ZNF814: variants seen among roughly 807,000 people sequenced by gnomAD.
ZNF814 encodes zinc finger protein 814.
In ZNF814, 5 loss-of-function variants were observed where a neutral mutation model predicts 7.5. That is an observed-to-expected ratio of 0.67 (90% CI 0.35 to 1.40). ZNF814 has a LOEUF of 1.40. Ranked by LOEUF, ZNF814 falls within the 40% of genes most tolerant of loss-of-function variation. The pLI, the probability that ZNF814 is intolerant of heterozygous loss-of-function variation, is 0.04. For synonymous variants in ZNF814, 315 were observed against 340.7 expected, an observed-to-expected ratio of 0.92 and a Z score of 0.83; for missense variants, 962 against 1,018.0, an observed-to-expected ratio of 0.94 and a Z score of 0.75.
intron 2 of ZNF814, among the ~76,000 whole-genome samples, chr19:57,875,483 A>G (rs987335537): frequency 1.3e-5 from 2 of 152,258 alleles, no homozygotes; most frequent in Admixed American, 1.3e-4. Flanking sequence ...CAATCCCTGC[A>G]TCTGCAAACC....
Position 57,874,737 on chromosome 19 carries a change from T to C in ZNF814, c.653A>G (p.Glu218Gly), listed in dbSNP as rs746517911. 5.6e-6 allele frequency: 9 copies of C among 1,609,154 alleles called. No individual in the cohort carries two copies. Among genetic ancestry groups the C allele is most frequent in the South Asian group, 5.5e-5 (5 of 90,616 alleles). ...TTTGGTGCTAAAATGTTTCATGGAT[T>C]CTCCACAGCTGTAGTGAGCTCCCCC... is the stretch of plus-strand genomic sequence containing the variant. ...QCGGAHYSCG[E>G]SMKHFSTKHI... Residue 218 changes from glutamate (E) to glycine (G), a missense_variant, in exon 3 of 3, where the codon GAA becomes GGA. By Grantham distance (98) the Glu-to-Gly change is moderately conservative. Transcript: ENST00000435989.
At chr19:57,904,292 CTTT>C in the ZNF814 span, among the ~76,000 whole-genome samples, 55 of 152,300 alleles carry the variant, frequency 3.6e-4, no homozygotes, top group Non-Finnish European at 6.8e-4. Context: ...CCACCTGCTT[CTTT>C]GTTTGATTAC....
the ZNF814 span, among the ~76,000 whole-genome samples, chr19:57,898,669 C>T: frequency 3.9e-5 from 6 of 152,310 alleles, no homozygotes; most frequent in South Asian, 2.1e-4. Context: ...ATCAGACGGA[C>T]GCGGTGGCTC....
chr19:57,903,482 G>A, the ZNF814 span, among the ~76,000 whole-genome samples: 12 of 152,088 alleles, frequency 7.9e-5, no homozygotes, highest in African/African-American at 2.4e-4. Flanking sequence ...CGATTTTTGC[G>A]TTACTCCTCA....
chr19:57,888,892 G>A lies in ZNF814; in HGVS notation c.-90C>T. On this transcript the variant is annotated 5_prime_UTR_variant, in exon 1 of 3. Transcript: ENST00000435989. ...CGGTCCGTATCCTGGCCCAGGAGTG[G>A]GTCACGCTGGGCGCCGTCACAGAGC... is the stretch of plus-strand genomic sequence containing the variant. 1 of 1,416,068 alleles carries A rather than the reference G, an allele frequency of 7.1e-7. No individual in the cohort carries two copies. The highest frequency in any genetic ancestry group is 9.7e-7 in the Non-Finnish European group (1 of 1,028,174). The allele number at this position is 1,416,068 out of a possible 1,614,324, so 87.7% of individuals were successfully genotyped here. A position where few individuals can be genotyped will look rare whatever the true frequency, so the allele number is the denominator to read the frequency against.
At chr19:57,895,396 C>G in the ZNF814 span, among the ~76,000 whole-genome samples, 1 of 151,862 alleles carries the variant, frequency 6.6e-6, no homozygotes, top group East Asian at 1.9e-4. Flanking sequence ...TTGCCTCAGC[C>G]TCCCTAGTAG....
intron 1 of ZNF814, among the ~76,000 whole-genome samples, chr19:57,887,579 G>A (rs1351080984): frequency 6.6e-6 from 1 of 152,070 alleles, no homozygotes; most frequent in Non-Finnish European, 1.5e-5. Context: ...TAATCACCTA[G>A]CCTCGTTTCC....
At chr19:57,903,460 C>A in the ZNF814 span, among the ~76,000 whole-genome samples, 1 of 152,168 alleles carries the variant, frequency 6.6e-6, no homozygotes, top group South Asian at 2.1e-4. Flanking sequence ...TGCAATGTGA[C>A]TGGAATACAT....
intron 2 of ZNF814, among the ~76,000 whole-genome samples, chr19:57,876,284 C>A (rs2071607170): frequency 6.6e-6 from 1 of 151,950 alleles, no homozygotes; most frequent in South Asian, 2.1e-4. Context: ...GGACTCACTC[C>A]TTCTGAGCCT....
the ZNF814 span, among the ~76,000 whole-genome samples, chr19:57,898,994 G>C: frequency 6.6e-6 from 1 of 150,776 alleles, no homozygotes; most frequent in Non-Finnish European, 1.5e-5. Context: ...AATGTTAACA[G>C]ATTTAAGGGC....
rs780140762 is a variant in ZNF814 at position 57,872,926 on chromosome 19, G to C, written c.2464C>G (p.His822Asp). ...SSSLTKHKRV[H>D]TGEKPYKCEK... ...CATTTATAAGGCTTTTCTCCAGTGT[G>C]AACTCTCTTGTGTTTAGTGAGACTG... is the stretch of plus-strand genomic sequence containing the variant. Residue 822 changes from histidine (H) to aspartate (D), a missense_variant, in exon 3 of 3, where the codon CAC becomes GAC. Around this residue, in one of 7 missense-constraint regions of ZNF814, gnomAD observed 665 missense variants for 551.4 expected, o/e 1.21. Transcript: ENST00000435989. The C allele has an allele frequency of 6.2e-7, 1 of 1,613,862 alleles. No homozygotes were observed. Among genetic ancestry groups the C allele is most frequent in the Non-Finnish European group, 8.5e-7 (1 of 1,179,910 alleles).
At chr19:57,878,917 A>G (rs1228413314) in intron 1 of ZNF814, among the ~76,000 whole-genome samples, 1 of 152,138 alleles carries the variant, frequency 6.6e-6, no homozygotes, top group Non-Finnish European at 1.5e-5. Context: ...ATGCACACAC[A>G]CACACGCACA....
chr19:57,869,889 G>C lies in ZNF814; in HGVS notation c.*2933C>G, dbSNP rs901139527. On this transcript the variant is annotated 3_prime_UTR_variant, in exon 3 of 3. Transcript: ENST00000435989. The stretch of plus-strand genomic sequence containing the variant: ...GAACCTAGGAGGTAGAGGTTGCAAT[G>C]AGCCAAGGTCATGCCACTGCACTCC... 1 of 149,338 alleles carries C rather than the reference G, an allele frequency of 6.7e-6. No homozygotes were observed. The highest frequency in any genetic ancestry group is 1.5e-5 in the Non-Finnish European group (1 of 67,940). 9.3% of individuals were successfully genotyped at this position (149,338 alleles called of 1,614,324 possible).
rs775989407 is a variant in ZNF814, at chr19:57,873,724, A to T, written c.1666T>A (p.Ser556Thr). Residue 556 changes from serine (S) to threonine (T), a missense_variant, in exon 3 of 3, where the codon TCT becomes ACT. This residue lies in a region of ZNF814 where 665 missense variants were observed against 551.4 expected (regional missense o/e 1.21). Transcript: ENST00000435989. ...ATGAGGGTGCCTTTATGACTAAAAGATTTCCCACACTCTCCACACTCATAA... is the reference window on the plus strand; with the variant it reads ...ATGAGGGTGCCTTTATGACTAAAAGTTTTCCCACACTCTCCACACTCATAA... ...RLYECGECGK[S>T]FSHKGTLILH... The T allele has an allele frequency of 4.3e-6, 7 of 1,613,554 alleles. No homozygotes were observed. Among genetic ancestry groups the T allele is most frequent in the East Asian group, 2.2e-5 (1 of 44,810 alleles).
At chr19:57,893,756 T>C (rs1428455766), upstream of ZNF814, among the ~76,000 whole-genome samples, 1 of 151,622 alleles carries the variant, frequency 6.6e-6, no homozygotes. Context: ...CCGTCTCTAC[T>C]AAAAATTGAA....
intron 1 of ZNF814, among the ~76,000 whole-genome samples, chr19:57,884,440 C>A (rs1175613656): frequency 6.6e-6 from 1 of 152,052 alleles, no homozygotes; most frequent in Non-Finnish European, 1.5e-5. Flanking sequence ...AGTGAGACCC[C>A]CATCTCTACA....
At chr19:57,902,710 G>A in the ZNF814 span, among the ~76,000 whole-genome samples, 1 of 151,130 alleles carries the variant, frequency 6.6e-6, no homozygotes, top group South Asian at 2.1e-4. Context: ...CCCCAGGCTG[G>A]AGTGCAGTGG....
chr19:57,874,997 G>C lies in ZNF814; in HGVS notation c.393C>G (p.Asp131Glu), dbSNP rs1194189391. 6.2e-7 allele frequency: 1 copy of C among 1,611,696 alleles called. No homozygotes were observed. Among genetic ancestry groups the C allele is most frequent in the Non-Finnish European group, 8.5e-7 (1 of 1,178,460 alleles). ...RCEAWGNKLY[D>E]SGNFHQHQNE... ...TCTGGTGCTGATGAAAGTTTCCACT[G>C]TCATACAATTTATTCCCCCAGGCCT... The change falls in exon 3 of 3, where the codon GAC becomes GAG. Residue 131 changes from aspartate to glutamate, a missense_variant. Physicochemically the swap from Asp to Glu is conservative, Grantham distance 45 (BLOSUM62 2). Coordinates refer to ENST00000435989, the MANE Select transcript of ZNF814 (RefSeq NM_001144989.2).
chr19:57,888,877 C>T lies in ZNF814; in HGVS notation c.-75G>A, dbSNP rs2071715697. 1.3e-6 allele frequency: 2 copies of T among 1,519,156 alleles called. No individual in the cohort carries two copies. Among genetic ancestry groups the T allele is most frequent in the Non-Finnish European group, 1.8e-6 (2 of 1,119,052 alleles). 94.1% of individuals were successfully genotyped at this position (1,519,156 alleles called of 1,614,324 possible). ...GAGATATGGGCACGACGGTCCGTATCCTGGCCCAGGAGTGGGTCACGCTGG... is the reference window on the plus strand; with the variant it reads ...GAGATATGGGCACGACGGTCCGTATTCTGGCCCAGGAGTGGGTCACGCTGG... On this transcript the variant is annotated 5_prime_UTR_variant, in exon 1 of 3. Transcript: ENST00000435989.
Sources: gnomAD v4.1 joint callset for allele counts (sites outside exome capture counted in the v4.1 genomes callset) on GRCh38, gnomAD v4.1.1 for gene constraint, gnomAD v4.1.1 regional missense constraint, MANE v1.5 for transcripts, NCBI Gene and HGNC (gene_info 2026-07-23, HGNC 2026-07-21) for gene names.